LHCGR: variants seen among roughly 807,000 people sequenced by gnomAD.
LHCGR encodes the protein lutropin-choriogonadotropic hormone receptor.
A neutral mutation model predicts 60.7 loss-of-function variants in LHCGR; 55 were observed. That is an observed-to-expected ratio of 0.91 (90% confidence interval 0.73 to 1.13). LHCGR has a LOEUF of 1.13. Among genes scored for constraint, LHCGR ranks in the 50% most tolerant of loss-of-function variants. LHCGR has a pLI of 0.00. For missense variants in LHCGR, 862 were observed against 836.0 expected (o/e 1.03, Z -0.38); for synonymous variants, 337 against 316.5 (o/e 1.06, Z -0.69).
At chr2:48,741,050 G>C (rs1669427615) in intron 1 of LHCGR, among the ~76,000 whole-genome samples, 2 of 152,224 alleles carry the variant, frequency 1.3e-5, no homozygotes, top group Non-Finnish European at 2.9e-5. Flanking sequence ...GAATGCAGAA[G>C]CCTCAGGAGC....
At chr2:48,749,713 T>C (rs1443747409) in intron 1 of LHCGR, among the ~76,000 whole-genome samples, 2 of 142,442 alleles carry the variant, frequency 1.4e-5, no homozygotes, top group African/African-American at 5.3e-5. Flanking sequence ...TTTACTGCTT[T>C]TGAAATTAAA....
chr2:48,699,638 A>T (rs1211111113), intron 8 of LHCGR, among the ~76,000 whole-genome samples: 1 of 152,206 alleles, frequency 6.6e-6, no homozygotes, highest in Admixed American at 6.5e-5. Flanking sequence ...GCCATCATCT[A>T]CCTAGGAAGC....
intron 1 of LHCGR, among the ~76,000 whole-genome samples, chr2:48,744,838 G>T (rs1429591483): frequency 1.1e-4 from 17 of 151,768 alleles, no homozygotes; most frequent in Non-Finnish European, 2.4e-4. Context: ...AGCCAAAATT[G>T]ACAAATGGGA....
At chr2:48,731,321 C>A in intron 1 of LHCGR, 23 bp from the exon 2 acceptor site, 1 of 1,569,962 alleles carries the variant, frequency 6.4e-7, no homozygotes, top group South Asian at 1.1e-5. Flanking sequence ...AAAGGAAATC[C>A]AAGAGTTTAA....
chr2:48,749,954 G>A (rs1669884990), intron 1 of LHCGR, among the ~76,000 whole-genome samples: 1 of 152,166 alleles, frequency 6.6e-6, no homozygotes, highest in African/African-American at 2.4e-5. Context: ...TTCTCCCGAG[G>A]AGTCTGTGTA....
intron 1 of LHCGR, among the ~76,000 whole-genome samples, chr2:48,748,947 C>G (rs1306855030): frequency 6.6e-6 from 1 of 152,106 alleles, no homozygotes; most frequent in Non-Finnish European, 1.5e-5. Flanking sequence ...TGCATTGGAC[C>G]CTACCCTGTC....
intron 10 of LHCGR, among the ~76,000 whole-genome samples, chr2:48,692,566 G>C (rs1666905178): frequency 6.6e-6 from 1 of 152,196 alleles, no homozygotes; most frequent in Non-Finnish European, 1.5e-5. Flanking sequence ...TTTAGTATTA[G>C]AGGCTATGTG....
At chr2:48,737,499 T>C (rs1033615773) in intron 1 of LHCGR, among the ~76,000 whole-genome samples, 1 of 152,242 alleles carries the variant, frequency 6.6e-6, no homozygotes, top group Admixed American at 6.5e-5. Flanking sequence ...CTGCTCACAA[T>C]GATAATAAAC....
intron 7 of LHCGR, among the ~76,000 whole-genome samples, chr2:48,712,029 C>A (rs1370976022): frequency 6.6e-6 from 1 of 151,996 alleles, no homozygotes; most frequent in Non-Finnish European, 1.5e-5. Context: ...TCTATGAACA[C>A]ATCTTATAAT....
chr2:48,710,592 A>G (rs2104423305), intron 7 of LHCGR, among the ~76,000 whole-genome samples: 1 of 152,322 alleles, frequency 6.6e-6, no homozygotes, highest in African/African-American at 2.4e-5. Flanking sequence ...TTGCGGTGTG[A>G]GAAGCACAGG....
chr2:48,719,605 G>A (rs1169120936), intron 6 of LHCGR, among the ~76,000 whole-genome samples: 3 of 152,220 alleles, frequency 2.0e-5, no homozygotes, highest in African/African-American at 7.2e-5. Context: ...GCCTCTTGAG[G>A]AGATTTAATG....
intron 9 of LHCGR, among the ~76,000 whole-genome samples, chr2:48,697,843 T>C (rs1667200029): frequency 6.6e-6 from 1 of 152,012 alleles, no homozygotes; most frequent in Non-Finnish European, 1.5e-5. Context: ...AAGCATAAAA[T>C]AAAATAGAGT....
intron 1 of LHCGR, among the ~76,000 whole-genome samples, chr2:48,753,413 G>A (rs1387754062): frequency 1.3e-5 from 2 of 152,098 alleles, no homozygotes; most frequent in African/African-American, 4.8e-5. Context: ...GAAAGATGAG[G>A]GCATCTCTCA....
intron 1 of LHCGR, among the ~76,000 whole-genome samples, chr2:48,753,300 C>T (rs1314499664): frequency 2.0e-5 from 3 of 152,176 alleles, no homozygotes; most frequent in Non-Finnish European, 2.9e-5. Flanking sequence ...TTAACATGCA[C>T]CTCTCTTGTC....
At chr2:48,706,659 A>C (rs1252502023) in intron 8 of LHCGR, among the ~76,000 whole-genome samples, 1 of 151,878 alleles carries the variant, frequency 6.6e-6, no homozygotes, top group Non-Finnish European at 1.5e-5. Context: ...GACTGATATC[A>C]TTTCTTCCAC....
intron 1 of LHCGR, among the ~76,000 whole-genome samples, chr2:48,748,116 C>G (rs747050804): frequency 6.6e-6 from 1 of 152,144 alleles, no homozygotes; most frequent in Non-Finnish European, 1.5e-5. Context: ...GCTCTGAACT[C>G]CTATCTTGTT....
At position 48,694,385 on chromosome 2, in the gene LHCGR, T is replaced by C. The variant is rs908253235; in HGVS notation, c.867-81A>G. On this transcript the variant is annotated intron_variant, in intron 9 of 10. Transcript: ENST00000294954. Reference sequence around the variant, plus strand: ...TGACTGTGCGTCTATTTATGCTTTGTTCATGCAAATTCTTTACCTATTACA... The same window carrying C: ...TGACTGTGCGTCTATTTATGCTTTGCTCATGCAAATTCTTTACCTATTACA... 3 of 829,172 alleles carry C rather than the reference T, an allele frequency of 3.6e-6. No homozygotes were observed. In the African/African-American group the frequency reaches 5.0e-5, roughly 14 times the overall value. 51.4% of individuals were successfully genotyped at this position (829,172 alleles called of 1,614,324 possible). A position where few individuals can be genotyped will look rare whatever the true frequency, so the allele number is the denominator to read the frequency against.
chr2:48,724,794 G>T (rs931316316), intron 4 of LHCGR, among the ~76,000 whole-genome samples: 2 of 152,164 alleles, frequency 1.3e-5, no homozygotes, highest in Non-Finnish European at 2.9e-5. Flanking sequence ...GAATTGTTCA[G>T]TGTTAGAGTT....
chr2:48,729,376 C>T (rs1668887095), intron 2 of LHCGR, 149 bp from the exon 3 acceptor site: 1 of 699,124 alleles, frequency 1.4e-6, no homozygotes, highest in African/African-American at 1.8e-5. Flanking sequence ...GTCCCCAAAT[C>T]ATACAGTGCT....
Sources: allele counts gnomAD v4.1 joint callset (sites outside exome capture counted in the v4.1 genomes callset), GRCh38; gene constraint gnomAD v4.1.1; transcripts MANE v1.5; gene names NCBI Gene and HGNC (gene_info 2026-07-23, HGNC 2026-07-21).